Variants in PAFAH2 observed in about 807,000 individuals in gnomAD.
PAFAH2 encodes platelet activating factor acetylhydrolase 2, also known as platelet-activating factor acetylhydrolase 2, cytoplasmic.
In PAFAH2, 42 loss-of-function variants were observed where a neutral mutation model predicts 49.0. The observed-to-expected ratio is 0.86, with a 90% CI of 0.67 to 1.11. The LOEUF (loss-of-function observed/expected upper bound fraction) is 1.11, where lower values mean the gene tolerates loss of function less well. Ranked by LOEUF, PAFAH2 falls within the 50% of genes least tolerant of loss-of-function variation. The pLI, the probability that PAFAH2 is intolerant of heterozygous loss-of-function variation, is 0.00. For missense variants in PAFAH2, 503 were observed against 501.8 expected, an observed-to-expected ratio of 1.00 and a Z score of -0.02; for synonymous variants, 184 against 181.3, an observed-to-expected ratio of 1.01 and a Z score of -0.12.
intron 9 of PAFAH2, among the ~76,000 whole-genome samples, chr1:25,973,096 G>A (rs1434334004): frequency 1.3e-5 from 2 of 152,182 alleles, no homozygotes; most frequent in Non-Finnish European, 2.9e-5. Context: ...TGTGGCTTTT[G>A]CCTGGTGAAT....
At chr1:25,993,734 C>T (rs547044704) in intron 1 of PAFAH2, among the ~76,000 whole-genome samples, 3 of 152,210 alleles carry the variant, frequency 2.0e-5, no homozygotes, top group African/African-American at 7.2e-5. Flanking sequence ...CTTTCCCCAT[C>T]GCTTGTTGTT....
rs1219279031 is a variant in PAFAH2 at position 25,974,588 on chromosome 1, C to T, written c.821G>A (p.Arg274Gln). ...PLERDFYPKA[R>Q]GPVFFINTEK... Reference sequence around the variant, plus strand: ...AGTATTGATAAAGAACACAGGTCCTCGGGCCTTGGGGTAAAAGTCACGTTC... The same window carrying T: ...AGTATTGATAAAGAACACAGGTCCTTGGGCCTTGGGGTAAAAGTCACGTTC... Residue 274 changes from arginine (R) to glutamine (Q), a missense_variant, in exon 9 of 11, where the codon CGA (arginine) becomes CAA (glutamine). By Grantham distance (43) the Arg-to-Gln change is conservative. Coordinates refer to ENST00000374282, the MANE Select transcript of PAFAH2 (RefSeq NM_000437.4). 6.8e-6 allele frequency: 11 copies of T among 1,614,016 alleles called. No homozygotes were observed. Among genetic ancestry groups the T allele is most frequent in the Admixed American group, 6.7e-5 (4 of 59,986 alleles).
At chr1:25,962,166 T>C (rs1183463589) in intron 10 of PAFAH2, 83 bp from the exon 11 acceptor site, 2 of 1,141,926 alleles carry the variant, frequency 1.8e-6, no homozygotes, top group African/African-American at 1.5e-5. Flanking sequence ...GAAGGGGTCA[T>C]CCTAGAGAGA....
In PAFAH2 at chr1:25,990,803, T is replaced by C. The variant is rs768839456; in HGVS notation, c.14A>G (p.Gln5Arg). 6.2e-6 allele frequency: 10 copies of C among 1,613,806 alleles called. No homozygotes were observed. The Admixed American group carries it at 1.2e-4, about 19-fold the overall frequency. MGVN[Q>R]SVGFPPVTGP... ...TGTGACAGGTGGAAAGCCCACAGAC[T>C]GGTTGACCCCCATTTCATCACCGGG... The change falls in exon 2 of 11, where the codon CAG (glutamine) becomes CGG (arginine). Residue 5 changes from glutamine (Q) to arginine (R), a missense_variant. Gln to Arg is a conservative substitution (Grantham distance 43). Transcript: ENST00000374282.
rs897774221 is a variant in PAFAH2 at position 25,969,661 on chromosome 1, T to C, written c.1084+2897A>G. ...AGCAGAAGGCCTGGCATAAAGTAAG[T>C]CCTCAAAAATCTTCTTTCAGTCTAA... On this transcript the variant is annotated intron_variant, in intron 10 of 10. Transcript: ENST00000374282. Among the ~76,000 whole-genome samples the C allele has an allele frequency of 1.6e-4, 25 of 152,196 alleles. 1 individual carries two copies. Among genetic ancestry groups the C allele is most frequent in the Admixed American group, 7.2e-4 (11 of 15,274 alleles).
chr1:25,962,055 G>A lies in PAFAH2; in HGVS notation c.1113C>T (p.Asn371=). The change falls in exon 11 of 11, where the codon AAC becomes AAT. Residue 371 remains asparagine, a synonymous_variant. Transcript: ENST00000374282. The part of the protein sequence containing the change: ...LDLKEDYNQW[N]NLIEGIGPSL... ...ACGGTCCAATGCCTTCAATAAGGTT[G>A]TTCCATTGATTATAGTCTTCTTTCA... 1 of 1,613,800 alleles carries A rather than the reference G, an allele frequency of 6.2e-7. No individual in the cohort carries two copies. The highest frequency in any genetic ancestry group is 8.5e-7 in the Non-Finnish European group (1 of 1,179,842).
Position 25,984,075 on chromosome 1 carries a change from C to T in PAFAH2, c.423G>A (p.Ala141=), listed in dbSNP as rs759586843. 6 of 1,613,980 alleles carry T rather than the reference C, an allele frequency of 3.7e-6. No homozygotes were observed. Among genetic ancestry groups the T allele is most frequent in the East Asian group, 2.2e-5 (1 of 44,872 alleles). Residue 141 remains alanine, a synonymous_variant, in exon 6 of 11, where the codon GCG becomes GCA. Transcript: ENST00000374282. ...VAVPEHRDRS[A]ATTYFCKQAP... ...CCTGCTTGCAGAAATAGGTGGTTGCCGCTGACCGGTCCCTGAAATACACAC... is the reference window on the plus strand; with the variant it reads ...CCTGCTTGCAGAAATAGGTGGTTGCTGCTGACCGGTCCCTGAAATACACAC...
intron 3 of PAFAH2, 112 bp from the exon 4 acceptor site, chr1:25,988,439 C>A: frequency 1.4e-6 from 1 of 737,654 alleles, no homozygotes; most frequent in South Asian, 1.6e-5. Flanking sequence ...TGGAGAACCA[C>A]CATCGGCCCC....
intron 10 of PAFAH2, among the ~76,000 whole-genome samples, chr1:25,968,066 T>C (rs2049453451): frequency 6.6e-6 from 1 of 152,148 alleles, no homozygotes. Context: ...CTCGGGAGGC[T>C]GAGGCAGGAG....
chr1:25,969,377 G>A (rs2049473597), intron 10 of PAFAH2, among the ~76,000 whole-genome samples: 1 of 152,210 alleles, frequency 6.6e-6, no homozygotes, highest in Non-Finnish European at 1.5e-5. Flanking sequence ...TCTAAAGACT[G>A]AGTGCCTACT....
intron 1 of PAFAH2, among the ~76,000 whole-genome samples, chr1:25,995,040 C>T (rs1192977633): frequency 6.6e-6 from 1 of 152,192 alleles, no homozygotes; most frequent in Non-Finnish European, 1.5e-5. Context: ...CATCCAGAGT[C>T]ATTTCTAATA....
At chr1:25,982,320 A>T in intron 7 of PAFAH2, 44 bp downstream of exon 7, 1 of 1,384,306 alleles carries the variant, frequency 7.2e-7, no homozygotes, top group Non-Finnish European at 1.0e-6. Flanking sequence ...TAACCGAGAA[A>T]ACCCTGAATA....
intron 7 of PAFAH2, among the ~76,000 whole-genome samples, chr1:25,977,916 G>A (rs1255897579): frequency 6.6e-6 from 1 of 152,114 alleles, no homozygotes; most frequent in Non-Finnish European, 1.5e-5. Flanking sequence ...TATATGTCGT[G>A]ATTTTTATCC....
chr1:25,965,248 T>C (rs916992953), intron 10 of PAFAH2, among the ~76,000 whole-genome samples: 1 of 152,278 alleles, frequency 6.6e-6, no homozygotes, highest in East Asian at 1.9e-4. Flanking sequence ...TCTCTCAGCA[T>C]ATATAAAAAT....
intron 7 of PAFAH2, among the ~76,000 whole-genome samples, chr1:25,979,120 C>T (rs1218917317): frequency 6.6e-6 from 1 of 152,196 alleles, no homozygotes; most frequent in African/African-American, 2.4e-5. Flanking sequence ...CTCCATGGGA[C>T]AATTTGTATT....
chr1:25,971,941 G>A (rs949861511), intron 10 of PAFAH2, among the ~76,000 whole-genome samples: 4 of 152,154 alleles, frequency 2.6e-5, no homozygotes, highest in African/African-American at 9.7e-5. Flanking sequence ...ATGAGTCTGG[G>A]TAAGGAGAGA....
intron 10 of PAFAH2, among the ~76,000 whole-genome samples, chr1:25,970,905 A>G (rs978423769): frequency 1.3e-5 from 2 of 151,966 alleles, no homozygotes; most frequent in African/African-American, 4.8e-5. Context: ...ACTACACTTT[A>G]GAAGGGGCAC....
At chr1:25,974,895 A>G (rs1451551463) in intron 8 of PAFAH2, among the ~76,000 whole-genome samples, 1 of 152,186 alleles carries the variant, frequency 6.6e-6, no homozygotes, top group African/African-American at 2.4e-5. Context: ...CTTCTCCTGG[A>G]TCTACTCTCA....
intron 8 of PAFAH2, among the ~76,000 whole-genome samples, chr1:25,976,209 G>A (rs984444924): frequency 3.3e-5 from 5 of 152,132 alleles, no homozygotes; most frequent in African/African-American, 1.2e-4. Flanking sequence ...TGCGGTCAGA[G>A]CTCACTGTAA....
Sources: allele counts gnomAD v4.1 joint callset (sites outside exome capture counted in the v4.1 genomes callset), GRCh38; gene constraint gnomAD v4.1.1; transcripts MANE v1.5; gene names NCBI Gene and HGNC (gene_info 2026-07-23, HGNC 2026-07-21).